SQLE: variants seen among roughly 807,000 people sequenced by gnomAD.
SQLE encodes the protein squalene monooxygenase.
Under a neutral mutation model 60.7 loss-of-function variants are expected in SQLE, and 29 were observed. That is an observed-to-expected ratio of 0.48 (90% CI 0.36 to 0.65). The LOEUF is 0.65. Among genes scored for constraint, SQLE ranks in the 30% least tolerant of loss-of-function variants. SQLE has a pLI of 0.00. For synonymous variants in SQLE, 237 were observed against 246.8 expected (o/e 0.96, Z 0.37); for missense variants, 605 against 684.1 (o/e 0.88, Z 1.29).
intron 7 of SQLE, among the ~76,000 whole-genome samples, chr8:125,017,726 CT>C (rs1298856461): frequency 4.6e-5 from 7 of 152,088 alleles, no homozygotes; most frequent in African/African-American, 1.7e-4. Context: ...CCTGTAGATT[CT>C]TTTTATTTTC....
rs1436617696 is a variant in SQLE, at chr8:125,009,103, AT to A, written c.936+21del. The A allele has an allele frequency of 1.3e-6, 2 of 1,573,588 alleles. No homozygotes were observed. Among genetic ancestry groups the A allele is most frequent in the African/African-American group, 1.4e-5 (1 of 72,858 alleles). On this transcript the variant is annotated intron_variant, in intron 5 of 10. Coordinates refer to ENST00000265896, the MANE Select transcript of SQLE (RefSeq NM_003129.4). The stretch of plus-strand genomic sequence containing the variant: ...TATGAAGGTACTGTAGGAGTGTGTT[AT>A]TGTAATTTCAATAAAAGAAACTTGA...
At position 125,021,958 on chromosome 8, in the gene SQLE, A is replaced by G; in HGVS notation, c.*13A>G. The G allele has an allele frequency of 1.3e-6, 2 of 1,563,396 alleles. No homozygotes were observed. The highest frequency in any genetic ancestry group is 1.7e-6 in the Non-Finnish European group (2 of 1,150,012). Reference sequence around the variant, plus strand: ...TATGGTTCATTAAGCTTAAAGGGGAACCATTTGTGAATGAATATTTGGAAC... The same window carrying G: ...TATGGTTCATTAAGCTTAAAGGGGAGCCATTTGTGAATGAATATTTGGAAC... On this transcript the variant is annotated 3_prime_UTR_variant, in exon 11 of 11. Transcript: ENST00000265896.
At chr8:125,019,661 T>C (rs1815170921) in intron 9 of SQLE, among the ~76,000 whole-genome samples, 1 of 152,182 alleles carries the variant, frequency 6.6e-6, no homozygotes, top group Admixed American at 6.5e-5. Context: ...ATCAGTTTAA[T>C]AGTAGGTTAA....
intron 1 of SQLE, 45 bp from the exon 2 acceptor site, chr8:125,003,131 T>C (rs1297048524): frequency 1.2e-5 from 18 of 1,528,606 alleles, no homozygotes; most frequent in Non-Finnish European, 1.5e-5. Flanking sequence ...ATGATTTGAA[T>C]CTAACAAATT....
intron 7 of SQLE, among the ~76,000 whole-genome samples, chr8:125,014,849 A>G (rs896790948): frequency 6.6e-6 from 1 of 152,152 alleles, no homozygotes; most frequent in African/African-American, 2.4e-5. Context: ...TATCCTTGTG[A>G]ATGATCGATT....
chr8:125,008,338 C>A (rs1158369116), intron 4 of SQLE, among the ~76,000 whole-genome samples: 1 of 152,202 alleles, frequency 6.6e-6, no homozygotes, highest in Non-Finnish European at 1.5e-5. Flanking sequence ...ATCTGCCCAC[C>A]TCAGCCTCCC....
In SQLE at chr8:125,005,619, A is replaced by G; in HGVS notation, c.639A>G (p.Ser213=). The G allele has an allele frequency of 6.2e-7, 1 of 1,612,510 alleles. No individual in the cohort carries two copies. The highest frequency in any genetic ancestry group is 2.2e-5 in the East Asian group (1 of 44,848). The change falls in exon 3 of 11, where the codon TCA becomes TCG. Residue 213 remains serine (S), a synonymous_variant. Transcript: ENST00000265896. Reference sequence around the variant, plus strand: ...AGGTTCAGATTCCTTACCCTCTGTCAGAAAACAATCAAGTGCAGAGTGGAA... The same window carrying G: ...AGGTTCAGATTCCTTACCCTCTGTCGGAAAACAATCAAGTGCAGAGTGGAA... ...KSEVQIPYPL[S]ENNQVQSGRA...
At chr8:125,005,335 C>T (rs28633402) in intron 2 of SQLE, among the ~76,000 whole-genome samples, 190 bp from the exon 3 acceptor site, 10,250 of 151,834 alleles carry the variant, frequency 0.068, 655 homozygotes, top group African/African-American at 0.16. Context: ...AATGATATTA[C>T]AGATTTGCTA....
Position 124,998,989 on chromosome 8 carries a change from T to G in SQLE, c.-415T>G. 1 of 288,446 alleles carries G rather than the reference T, an allele frequency of 3.5e-6. No individual in the cohort carries two copies. The highest frequency in any genetic ancestry group is 6.4e-6 in the Non-Finnish European group (1 of 157,278). 17.9% of individuals were successfully genotyped at this position (288,446 alleles called of 1,614,324 possible). A position where few individuals can be genotyped will look rare whatever the true frequency, so the allele number is the denominator to read the frequency against. On this transcript the variant is annotated 5_prime_UTR_variant, in exon 1 of 11. Transcript: ENST00000265896. ...TGACCCTCCCTCCACTCCCATTCCC[T>G]TCTGAAAGGGCACCTGCTCTTGGTG...
chr8:125,000,022 C>A (rs1211580087), intron 1 of SQLE: 2 of 500,348 alleles, frequency 4.0e-6, no homozygotes, highest in Admixed American at 4.6e-5. Flanking sequence ...TTAAAAAGTT[C>A]TTGGGTAAGG....
chr8:125,011,429 A>G (rs1177392412), intron 6 of SQLE, 108 bp from the exon 7 acceptor site: 3 of 787,630 alleles, frequency 3.8e-6, no homozygotes, highest in African/African-American at 1.8e-5. Flanking sequence ...TGTAACAACC[A>G]TAACAGATGT....
chr8:125,017,296 A>G (rs1563599959), intron 7 of SQLE, among the ~76,000 whole-genome samples: 1 of 151,556 alleles, frequency 6.6e-6, no homozygotes, highest in Non-Finnish European at 1.5e-5. Flanking sequence ...TTGGTGCTCT[A>G]TTCTACTGCA....
chr8:125,009,215 C>G lies in SQLE; in HGVS notation c.980C>G (p.Ala327Gly). 1 of 1,613,376 alleles carries G rather than the reference C, an allele frequency of 6.2e-7. No individual in the cohort carries two copies. Among genetic ancestry groups the G allele is most frequent in the South Asian group, 1.1e-5 (1 of 90,902 alleles). The change falls in exon 6 of 11, where the codon GCT (alanine) becomes GGT (glycine). Residue 327 changes from alanine to glycine, a missense_variant. By Grantham distance (60) the Ala-to-Gly change is moderately conservative (BLOSUM62 0). Transcript: ENST00000265896. ...GCAAATCATGCTGAACTTATTTTAGCTAACCCGAGTCCAGTTCTCATCTAC... is the reference window on the plus strand; with the variant it reads ...GCAAATCATGCTGAACTTATTTTAGGTAACCCGAGTCCAGTTCTCATCTAC... Reference protein sequence around the residue: ...FKANHAELILANPSPVLIYQI... With the variant: ...FKANHAELILGNPSPVLIYQI...
chr8:124,998,562 G>GGCCGC lies in SQLE; in HGVS notation c.-834_-830dup. 1.5e-6 allele frequency: 1 copy of GGCCGC among 683,980 alleles called. No individual in the cohort carries two copies. Among genetic ancestry groups the GGCCGC allele is most frequent in the Non-Finnish European group, 2.7e-6 (1 of 376,848 alleles). The allele number at this position is 683,980 out of a possible 1,614,324, so 42.4% of individuals were successfully genotyped here. A position where few individuals can be genotyped will look rare whatever the true frequency, so the allele number is the denominator to read the frequency against. ...GTGCGACGGTTACTCTGGTTACTGG[G>GGCCGC]GCCGCGCCGCGCTGGCGAGAGCCGC... On this transcript the variant is annotated 5_prime_UTR_variant, in exon 1 of 11. Coordinates refer to ENST00000265896, the MANE Select transcript of SQLE (RefSeq NM_003129.4).
rs1479149904 is a variant in SQLE at position 125,016,320 on chromosome 8, G to A, written c.1205-1739G>A. 2.6e-5 allele frequency among the ~76,000 whole-genome samples: 4 copies of A among 151,880 alleles called. No homozygotes were observed. ...TTCTTTTTTCTTTTGTCTCCTCTGT[G>A]TATTTTCAAATAGCCTGTTTTCAAG... On this transcript the variant is annotated intron_variant, in intron 7 of 10. Coordinates refer to ENST00000265896, the MANE Select transcript of SQLE (RefSeq NM_003129.4). The surrounding 1 kb of genome is among the most constrained non-coding windows in gnomAD (Gnocchi z 4.1).
chr8:125,018,100 C>T lies in SQLE; in HGVS notation c.1246C>T (p.Leu416Phe). 6.2e-7 allele frequency: 1 copy of T among 1,613,876 alleles called. No homozygotes were observed. Among genetic ancestry groups the T allele is most frequent in the South Asian group, 1.1e-5 (1 of 91,076 alleles). The stretch of plus-strand genomic sequence containing the variant: ...AGACGCATATAATATGAGGCATCCA[C>T]TTACTGGTGGAGGAATGACTGTTGC... ...LGDAYNMRHP[L>F]TGGGMTVAFK... The change falls in exon 8 of 11, where the codon CTT becomes TTT. Residue 416 changes from leucine (L) to phenylalanine (F), a missense_variant. Coordinates refer to ENST00000265896, the MANE Select transcript of SQLE (RefSeq NM_003129.4).
At chr8:125,004,544 CTGT>C (rs140941358) in intron 2 of SQLE, among the ~76,000 whole-genome samples, 18,832 of 151,614 alleles carry the variant, frequency 0.12, 2,781 homozygotes, top group African/African-American at 0.36. Context: ...TGATGGTGTC[CTGT>C]TGTTTCAATT....
chr8:125,013,495 G>A (rs1815069612), intron 7 of SQLE, among the ~76,000 whole-genome samples: 1 of 151,756 alleles, frequency 6.6e-6, no homozygotes, highest in African/African-American at 2.4e-5. Context: ...TGGGATTATA[G>A]GTGCTCGCCA....
At chr8:125,008,178 C>G (rs1588113501) in intron 4 of SQLE, among the ~76,000 whole-genome samples, 1 of 152,124 alleles carries the variant, frequency 6.6e-6, no homozygotes. Context: ...CAACCTCCAC[C>G]TCCCAGGTTC....
Sources: allele counts gnomAD v4.1 joint callset (sites outside exome capture counted in the v4.1 genomes callset), GRCh38; gene constraint gnomAD v4.1.1; non-coding constraint Gnocchi (gnomAD v3.1); transcripts MANE v1.5; gene names NCBI Gene and HGNC (gene_info 2026-07-23, HGNC 2026-07-21).